The following COL18A1 variants were observed in gnomAD, a reference collection of about 807,000 sequenced individuals.
COL18A1 encodes the protein collagen alpha-1(XVIII) chain.
Under a neutral mutation model 168.0 loss-of-function variants are expected in COL18A1, and 133 were observed. The observed-to-expected ratio is 0.79, with a 90% CI of 0.69 to 0.91. The LOEUF (loss-of-function observed/expected upper bound fraction) is 0.91, where lower values mean the gene tolerates loss of function less well. Among genes scored for constraint, COL18A1 ranks in the 40% least tolerant of loss-of-function variants. The pLI is 0.00. For synonymous variants in COL18A1, 949 were observed against 809.0 expected, an observed-to-expected ratio of 1.17 and a Z score of -2.94; for missense variants, 2,126 against 1,925.4, an observed-to-expected ratio of 1.10 and a Z score of -1.95.
chr21:45,467,451 G>T (rs1460973920), intron 2 of COL18A1: 1 of 985,050 alleles, frequency 1.0e-6, no homozygotes, highest in African/African-American at 1.7e-5. Context: ...CCTCCAAGGG[G>T]TGATTGTGGC....
chr21:45,484,053 TAC>T lies in COL18A1; in HGVS notation c.1701+1245_1701+1246del, dbSNP rs760727971. 1.4e-4 allele frequency among the ~76,000 whole-genome samples: 12 copies of T among 88,718 alleles called. 3 individuals carry two copies. Among genetic ancestry groups the T allele is most frequent in the Admixed American group, 4.6e-4 (4 of 8,784 alleles). The allele number at this position is 88,718 out of a possible 152,430, so 58.2% of individuals were successfully genotyped here. A position where few individuals can be genotyped will look rare whatever the true frequency, so the allele number is the denominator to read the frequency against. On this transcript the variant is annotated intron_variant, in intron 15 of 41. Transcript: ENST00000651438. ...CACACACACACCTCTCCAGCATATGTACACACACACACACTTCTCCAGCATAT... is the reference window on the plus strand; with the variant it reads ...CACACACACACCTCTCCAGCATATGTACACACACACACTTCTCCAGCATAT...
In COL18A1 at chr21:45,497,841, T is replaced by TG. The variant is rs1166733607; in HGVS notation, c.2683+185dup. 1.2e-5 allele frequency: 10 copies of TG among 801,482 alleles called. No homozygotes were observed. In the Admixed American group the frequency reaches 2.5e-4, roughly 20 times the overall value. The allele number at this position is 801,482 out of a possible 1,614,324, so 49.6% of individuals were successfully genotyped here. A position where few individuals can be genotyped will look rare whatever the true frequency, so the allele number is the denominator to read the frequency against. On this transcript the variant is annotated intron_variant, in intron 32 of 41. Coordinates refer to ENST00000651438, the MANE Select transcript of COL18A1 (RefSeq NM_001379500.1). The stretch of plus-strand genomic sequence containing the variant: ...ATGGGGGCCTCATAGGACCTGGATT[T>TG]GGGGGCGAGGGTGGCTGCAGGGCAC...
In COL18A1 at chr21:45,405,465, C is replaced by A; in HGVS notation, c.98C>A (p.Ala33Glu). ...VLLLGVRAAS[A>E]EPERISEEVG... ...CTGCTCGGGGTCCGCGCGGCCTCCG[C>A]GGAGCCAGGTAAGACCCGGGCGGGA... The change falls in exon 2 of 42, where the codon GCG (alanine) becomes GAG (glutamate). Residue 33 changes from alanine to glutamate, a missense_variant. By Grantham distance (107) the Ala-to-Glu change is moderately radical. Transcript: ENST00000651438. 7.3e-7 allele frequency: 1 copy of A among 1,376,026 alleles called. No individual in the cohort carries two copies. The highest frequency in any genetic ancestry group is 1.5e-5 in the South Asian group (1 of 67,104). 85.2% of individuals were successfully genotyped at this position (1,376,026 alleles called of 1,614,324 possible).
chr21:45,405,302 G>GCT lies in COL18A1; in HGVS notation c.11+61_11+62insCT, dbSNP rs1390372129. ...CCAAGATGCGGCTGCGGGGGTCGCG[G>GCT]GGGTCGCGGGGCTCGGCCGGGTCCT... is the stretch of plus-strand genomic sequence containing the variant. On this transcript the variant is annotated intron_variant, in intron 1 of 41. Transcript: ENST00000651438. 45 of 923,302 alleles carry GCT rather than the reference G, an allele frequency of 4.9e-5. No individual in the cohort carries two copies. The South Asian group carries it at 1.8e-3, about 36-fold the overall frequency. The allele number at this position is 923,302 out of a possible 1,614,324, so 57.2% of individuals were successfully genotyped here.
intron 2 of COL18A1, among the ~76,000 whole-genome samples, chr21:45,436,645 T>G (rs1274286597): frequency 2.6e-4 from 19 of 74,076 alleles, no homozygotes; most frequent in African/African-American, 9.8e-4. Flanking sequence ...GAACTGTGGC[T>G]GGGGTGGGGC....
chr21:45,482,653 C>T, intron 14 of COL18A1, 142 bp from the exon 15 acceptor site: 1 of 1,266,718 alleles, frequency 7.9e-7, no homozygotes, highest in Non-Finnish European at 1.1e-6. Context: ...ACAGCGGCAA[C>T]AGCCTCAGAA....
At chr21:45,438,239 C>A (rs1022881952) in intron 2 of COL18A1, among the ~76,000 whole-genome samples, 1 of 119,998 alleles carries the variant, frequency 8.3e-6, no homozygotes, top group Non-Finnish European at 1.7e-5. Context: ...GACACACAGG[C>A]ACTCTCCTGC....
chr21:45,434,634 G>A (rs924998911), intron 2 of COL18A1, among the ~76,000 whole-genome samples: 1 of 152,200 alleles, frequency 6.6e-6, no homozygotes, highest in African/African-American at 2.4e-5. Flanking sequence ...CTCAGAGGGT[G>A]GCAGAGGCTG....
intron 36 of COL18A1, 104 bp from the exon 37 acceptor site, chr21:45,505,722 ACCTGTCCAAAGC>A: frequency 1.2e-6 from 1 of 868,914 alleles, no homozygotes; most frequent in African/African-American, 1.7e-5. Flanking sequence ...CTCAGTCCAC[ACCTGTCCAAAGC>A]CCTGCGGCCC....
chr21:45,509,347 C>T lies in COL18A1; in HGVS notation c.3250-9C>T, dbSNP rs778256556. 1 of 1,545,226 alleles carries T rather than the reference C, an allele frequency of 6.5e-7. No individual in the cohort carries two copies. The highest frequency in any genetic ancestry group is 8.7e-7 in the Non-Finnish European group (1 of 1,147,138). ...CCCCGCCGACAGGCCCCACGTCTCC[C>T]ACCTGCAGGACAATGAAGTGGCCGC... On this transcript the variant is annotated splice_polypyrimidine_tract_variant and intron_variant, in intron 38 of 41. Coordinates refer to ENST00000651438, the MANE Select transcript of COL18A1 (RefSeq NM_001379500.1).
At chr21:45,486,265 CG>C (rs898586300) in intron 15 of COL18A1, among the ~76,000 whole-genome samples, 1 of 149,702 alleles carries the variant, frequency 6.7e-6, no homozygotes, top group African/African-American at 2.5e-5. Context: ...CCTTGCCTGC[CG>C]GGGAGCCAGG....
chr21:45,458,564 C>A (rs756726748), intron 2 of COL18A1, among the ~76,000 whole-genome samples: 1 of 152,080 alleles, frequency 6.6e-6, no homozygotes, highest in Non-Finnish European at 1.5e-5. Context: ...TTGCAGGCAA[C>A]CCCCCCGGAG....
Position 45,494,448 on chromosome 21 carries a change from G to A in COL18A1, c.2353-97G>A, listed in dbSNP as rs559683370. On this transcript the variant is annotated intron_variant, in intron 26 of 41. Transcript: ENST00000651438. ...GAGGCTATCAGGTGGGGCACAAGCC[G>A]CCACCTAACCGTGCCTTCGCCACAG... 1.0e-4 allele frequency: 158 copies of A among 1,567,564 alleles called. 1 individual carries two copies. The highest frequency in any genetic ancestry group is 3.5e-4 in the Admixed American group (21 of 59,726).
intron 32 of COL18A1, among the ~76,000 whole-genome samples, chr21:45,501,705 C>T (rs1413464133): frequency 1.4e-5 from 2 of 142,454 alleles, no homozygotes; most frequent in Non-Finnish European, 3.2e-5. Flanking sequence ...GCTCCACAGC[C>T]GGTCACCTCC....
Position 45,423,208 on chromosome 21 carries a change from A to G in COL18A1, c.106+17735A>G, listed in dbSNP as rs753945189. ...GTGTCCTGGAGCTTAAGGGAGTTGG[A>G]AACCATGGCTTATGTTCCATGGTGA... On this transcript the variant is annotated intron_variant, in intron 2 of 41. Transcript: ENST00000651438. The surrounding 1 kb of genome is among the most constrained non-coding windows in gnomAD (Gnocchi z 4.0). 2.6e-5 allele frequency among the ~76,000 whole-genome samples: 4 copies of G among 152,106 alleles called. No individual in the cohort carries two copies. The highest frequency in any genetic ancestry group is 5.9e-5 in the Non-Finnish European group (4 of 68,016).
chr21:45,429,109 G>A (rs1288886582), intron 2 of COL18A1, among the ~76,000 whole-genome samples: 2 of 151,954 alleles, frequency 1.3e-5, no homozygotes, highest in Admixed American at 6.6e-5. Context: ...CATCATGTTG[G>A]CCAGGATGGT....
chr21:45,411,759 C>CGGGGGGGGG (rs1437966551), intron 2 of COL18A1, among the ~76,000 whole-genome samples: 1 of 7,568 alleles, frequency 1.3e-4, no homozygotes, highest in Admixed American at 1.5e-3. Flanking sequence ...GGGCTGATGG[C>CGGGGGGGGG]GGGGGGTGGG....
At chr21:45,476,316 C>T in intron 5 of COL18A1, 35 bp from the exon 6 acceptor site, 1 of 1,613,294 alleles carries the variant, frequency 6.2e-7, no homozygotes, top group South Asian at 1.1e-5. Flanking sequence ...CATCTGCCGG[C>T]CGAATAACAG....
intron 2 of COL18A1, among the ~76,000 whole-genome samples, chr21:45,461,472 A>T (rs916379062): frequency 3.3e-5 from 5 of 152,134 alleles, no homozygotes; most frequent in African/African-American, 1.2e-4. Flanking sequence ...ACCCCTTATC[A>T]GATGGCCTGC....
Sources: gnomAD v4.1 joint callset for allele counts (sites outside exome capture counted in the v4.1 genomes callset) on GRCh38, gnomAD v4.1.1 for gene constraint, Gnocchi (gnomAD v3.1) non-coding constraint, MANE v1.5 for transcripts, NCBI Gene and HGNC (gene_info 2026-07-23, HGNC 2026-07-21) for gene names.